CMTM7: variants seen among roughly 807,000 people sequenced by gnomAD.
CMTM7 encodes CKLF like MARVEL transmembrane domain containing 7, also known as CKLF-like MARVEL transmembrane domain-containing protein 7.
A neutral mutation model predicts 19.3 loss-of-function variants in CMTM7; 7 were observed. The ratio of observed to expected loss-of-function variants is 0.36; its 90% CI spans 0.21 to 0.68. The LOEUF (loss-of-function observed/expected upper bound fraction) is 0.68, where lower values mean the gene tolerates loss of function less well. Ranked by LOEUF, CMTM7 falls within the 30% of genes least tolerant of loss-of-function variation. The pLI, the probability that CMTM7 is intolerant of heterozygous loss-of-function variation, is 0.60. For missense variants in CMTM7, 193 were observed against 232.6 expected (o/e 0.83, Z 1.11); for synonymous variants, 87 against 99.3 (o/e 0.88, Z 0.74).
chr3:32,401,252 C>T (rs959229885), intron 1 of CMTM7, among the ~76,000 whole-genome samples: 1 of 152,264 alleles, frequency 6.6e-6, no homozygotes, highest in Non-Finnish European at 1.5e-5. Context: ...CCTATTCAGG[C>T]TGCAGAGCTT....
intron 1 of CMTM7, among the ~76,000 whole-genome samples, chr3:32,395,122 GC>G (rs1377317241): frequency 1.3e-5 from 2 of 151,856 alleles, no homozygotes; most frequent in African/African-American, 2.4e-5. Flanking sequence ...TCCCACCTCA[GC>G]CTCCCGAGTA....
intron 1 of CMTM7, among the ~76,000 whole-genome samples, chr3:32,420,601 A>C (rs1368183990): frequency 2.6e-5 from 4 of 152,192 alleles, no homozygotes; most frequent in Non-Finnish European, 5.9e-5. Context: ...ATGCCTTTGA[A>C]CTGGGGACAC....
chr3:32,440,066 C>T (rs953748924), intron 1 of CMTM7, among the ~76,000 whole-genome samples: 9 of 133,984 alleles, frequency 6.7e-5, no homozygotes, highest in Admixed American at 2.3e-4. Flanking sequence ...TAACACCACA[C>T]GCATACACAC....
chr3:32,442,343 C>T (rs1359863915), intron 2 of CMTM7, among the ~76,000 whole-genome samples: 1 of 151,404 alleles, frequency 6.6e-6, no homozygotes, highest in African/African-American at 2.4e-5. Flanking sequence ...CTAAAAAATA[C>T]AAAAAATCAG....
chr3:32,454,217 C>G (rs777276478), intron 4 of CMTM7, 24 bp from the exon 5 acceptor site: 1 of 1,587,914 alleles, frequency 6.3e-7, no homozygotes, highest in Admixed American at 1.7e-5. Flanking sequence ...GGCAAGCTGT[C>G]CTGACTGCCA....
chr3:32,417,395 G>A (rs1575114490), intron 1 of CMTM7, among the ~76,000 whole-genome samples: 1 of 152,292 alleles, frequency 6.6e-6, no homozygotes, highest in East Asian at 1.9e-4. Flanking sequence ...TTATCACTTG[G>A]ATAATAAAAA....
intron 2 of CMTM7, among the ~76,000 whole-genome samples, chr3:32,444,468 G>A (rs192377587): frequency 1.3e-5 from 2 of 152,320 alleles, no homozygotes; most frequent in African/African-American, 4.8e-5. Context: ...TAGCCTTGTA[G>A]TAAGTTGTAA....
chr3:32,442,315 G>C (rs575811840), intron 2 of CMTM7, among the ~76,000 whole-genome samples: 1 of 151,508 alleles, frequency 6.6e-6, no homozygotes, highest in Admixed American at 6.6e-5. Flanking sequence ...TCGAGACCAC[G>C]GTGAAACCCC....
chr3:32,440,544 A>G (rs1696659670), intron 1 of CMTM7, among the ~76,000 whole-genome samples: 1 of 152,214 alleles, frequency 6.6e-6, no homozygotes, highest in African/African-American at 2.4e-5. Flanking sequence ...TTGGGAGGCC[A>G]AGGCAGGGGG....
chr3:32,420,666 A>G (rs185635430), intron 1 of CMTM7, among the ~76,000 whole-genome samples: 1 of 152,338 alleles, frequency 6.6e-6, no homozygotes, highest in East Asian at 1.9e-4. Context: ...CCATAGTCCC[A>G]CTGTCTGCCT....
chr3:32,416,694 G>A (rs1289791167), intron 1 of CMTM7, among the ~76,000 whole-genome samples: 1 of 152,126 alleles, frequency 6.6e-6, no homozygotes, highest in African/African-American at 2.4e-5. Flanking sequence ...CCAACCATAT[G>A]TACTTGTTAA....
intron 1 of CMTM7, among the ~76,000 whole-genome samples, chr3:32,396,914 CCTAT>C (rs1400299456): frequency 6.6e-6 from 1 of 152,214 alleles, no homozygotes; most frequent in Non-Finnish European, 1.5e-5. Flanking sequence ...ACCAACACGT[CCTAT>C]CTATTTGTTC....
chr3:32,436,336 C>T (rs1420258226), intron 1 of CMTM7, among the ~76,000 whole-genome samples: 1 of 152,156 alleles, frequency 6.6e-6, no homozygotes, highest in Non-Finnish European at 1.5e-5. Flanking sequence ...ATGATGGTGA[C>T]TTTAACAGGG....
intron 1 of CMTM7, among the ~76,000 whole-genome samples, chr3:32,432,900 A>G (rs1054738332): frequency 6.6e-6 from 1 of 151,948 alleles, no homozygotes. Context: ...CCCTCTGATG[A>G]CCTACTCCTC....
At chr3:32,411,898 C>T (rs547699973) in intron 1 of CMTM7, among the ~76,000 whole-genome samples, 1 of 151,638 alleles carries the variant, frequency 6.6e-6, no homozygotes, top group Non-Finnish European at 1.5e-5. Context: ...CAGGCTGAGA[C>T]CTAATGCACG....
intron 2 of CMTM7, among the ~76,000 whole-genome samples, chr3:32,442,498 CAAAAAAAAAAAAAAAAAA>C (rs59568281): frequency 7.5e-5 from 6 of 80,048 alleles, no homozygotes; most frequent in East Asian, 4.8e-4. Flanking sequence ...AGACTCCTCT[CAAAAAAAAAAAAAAAAAA>C]AAAAAAAAAA....
At chr3:32,447,824 T>C (rs1453335583) in intron 2 of CMTM7, among the ~76,000 whole-genome samples, 1 of 152,226 alleles carries the variant, frequency 6.6e-6, no homozygotes, top group African/African-American at 2.4e-5. Context: ...AGACAGCACA[T>C]ACTGTAGTTA....
intron 2 of CMTM7, among the ~76,000 whole-genome samples, chr3:32,443,369 G>T (rs1211763643): frequency 6.6e-6 from 1 of 152,024 alleles, no homozygotes; most frequent in African/African-American, 2.4e-5. Flanking sequence ...CTCCCAAAGT[G>T]CTGGGATTAC....
chr3:32,434,448 C>T (rs1452782512), intron 1 of CMTM7, among the ~76,000 whole-genome samples: 2 of 142,990 alleles, frequency 1.4e-5, no homozygotes, highest in African/African-American at 2.6e-5. Flanking sequence ...AGGTGCATAC[C>T]ACCATGCCTG....
Sources: gnomAD v4.1 joint callset for allele counts (sites outside exome capture counted in the v4.1 genomes callset) on GRCh38, gnomAD v4.1.1 for gene constraint, MANE v1.5 for transcripts, NCBI Gene and HGNC (gene_info 2026-07-23, HGNC 2026-07-21) for gene names.